Variants in TBC1D19 observed in about 807,000 individuals in gnomAD.
TBC1D19 encodes TBC1 domain family member 19, also known as TBC1 domain family, member 19.
Under a neutral mutation model 89.0 loss-of-function variants are expected in TBC1D19, and 60 were observed. That is an observed-to-expected ratio of 0.67 (90% CI 0.55 to 0.84). The LOEUF (loss-of-function observed/expected upper bound fraction) is 0.84. Among genes scored for constraint, TBC1D19 ranks in the 40% least tolerant of loss-of-function variants. TBC1D19 has a pLI of 0.00. For missense variants in TBC1D19, 500 were observed against 610.8 expected (o/e 0.82, Z 1.91); for synonymous variants, 189 against 199.7 (o/e 0.95, Z 0.45).
At chr4:26,649,503 T>G (rs2109038361) in intron 7 of TBC1D19, among the ~76,000 whole-genome samples, 2 of 152,324 alleles carry the variant, frequency 1.3e-5, no homozygotes, top group East Asian at 3.9e-4. Context: ...TTATGCCCAT[T>G]TGTAGTCACC....
At chr4:26,692,700 A>G (rs1714410641) in intron 13 of TBC1D19, among the ~76,000 whole-genome samples, 1 of 152,240 alleles carries the variant, frequency 6.6e-6, no homozygotes, top group African/African-American at 2.4e-5. Context: ...AGCTAAAAGC[A>G]TAGCAGCTGG....
chr4:26,757,979 A>G (rs941863792), downstream of TBC1D19, among the ~76,000 whole-genome samples: 1 of 152,156 alleles, frequency 6.6e-6, no homozygotes, highest in Non-Finnish European at 1.5e-5. Context: ...ATGATCCATT[A>G]TCCTGTACTT....
At chr4:26,809,034 A>G in the TBC1D19 span, among the ~76,000 whole-genome samples, 2 of 152,224 alleles carry the variant, frequency 1.3e-5, no homozygotes, top group African/African-American at 4.8e-5. Context: ...AAAGGAATAC[A>G]GGGTCAGTGA....
intron 15 of TBC1D19, among the ~76,000 whole-genome samples, chr4:26,732,373 C>T (rs1199155762): frequency 6.6e-6 from 1 of 152,186 alleles, no homozygotes; most frequent in Non-Finnish European, 1.5e-5. Flanking sequence ...TGGCCTTGTC[C>T]TCCTTCCCTC....
intron 13 of TBC1D19, among the ~76,000 whole-genome samples, chr4:26,715,367 G>A (rs539989727): frequency 1.4e-4 from 21 of 152,058 alleles, no homozygotes; most frequent in African/African-American, 4.1e-4. Flanking sequence ...AGTAACTCCC[G>A]TTGGCCCTGC....
At chr4:26,742,656 T>G (rs993195055) in intron 18 of TBC1D19, 57 bp downstream of exon 18, 2 of 1,445,458 alleles carry the variant, frequency 1.4e-6, no homozygotes, top group African/African-American at 1.4e-5. Context: ...AGCTCTTTTT[T>G]CCTCATTGCA....
At chr4:26,614,330 T>G in intron 2 of TBC1D19, 78 bp from the exon 3 acceptor site, 1 of 1,036,858 alleles carries the variant, frequency 9.6e-7, no homozygotes, top group Non-Finnish European at 1.4e-6. Context: ...AAAGTTTTAT[T>G]GAGATAAATT....
chr4:26,655,229 GGA>G (rs1744707957), intron 7 of TBC1D19, among the ~76,000 whole-genome samples: 1 of 152,182 alleles, frequency 6.6e-6, no homozygotes, highest in Non-Finnish European at 1.5e-5. Flanking sequence ...TCGTTCCTCT[GGA>G]AGTTTTGTCT....
At chr4:26,611,203 T>C (rs1741360869) in intron 1 of TBC1D19, among the ~76,000 whole-genome samples, 1 of 152,164 alleles carries the variant, frequency 6.6e-6, no homozygotes, top group East Asian at 1.9e-4. Flanking sequence ...ATTAGTGACA[T>C]TGAGTATTTT....
the TBC1D19 span, among the ~76,000 whole-genome samples, chr4:26,804,513 C>A: frequency 6.6e-6 from 1 of 152,234 alleles, no homozygotes; most frequent in East Asian, 1.9e-4. Flanking sequence ...CAGTCTGGGA[C>A]GTGGCCCCTC....
intron 15 of TBC1D19, among the ~76,000 whole-genome samples, chr4:26,735,236 A>G (rs186691612): frequency 6.5e-4 from 99 of 151,868 alleles, no homozygotes; most frequent in African/African-American, 2.3e-3. Context: ...TATTAATAGA[A>G]TGTTAACTGG....
chr4:26,576,734 G>A (rs1451715384), exon 1 of TBC1D19: 2 of 456,134 alleles, frequency 4.4e-6, no homozygotes, highest in African/African-American at 4.0e-5. Context: ...GAGCCACAGA[G>A]CCACTAGCAG....
At chr4:26,618,788 C>T (rs1454819885) in intron 3 of TBC1D19, among the ~76,000 whole-genome samples, 1 of 152,174 alleles carries the variant, frequency 6.6e-6, no homozygotes, top group African/African-American at 2.4e-5. Flanking sequence ...CGCTTAGGAA[C>T]CTGCTGGATA....
At chr4:26,790,292 G>A in the TBC1D19 span, among the ~76,000 whole-genome samples, 14,982 of 152,198 alleles carry the variant, frequency 0.098, 955 homozygotes, top group South Asian at 0.18. Flanking sequence ...TCAGATAAGA[G>A]GAGCCTTGGC....
intron 9 of TBC1D19, among the ~76,000 whole-genome samples, chr4:26,669,442 T>A (rs947714574): frequency 6.6e-6 from 1 of 151,860 alleles, no homozygotes; most frequent in Non-Finnish European, 1.5e-5. Flanking sequence ...GAGCAAGATC[T>A]ATTAATATAG....
chr4:26,853,916 C>T, the TBC1D19 span, among the ~76,000 whole-genome samples: 1 of 152,240 alleles, frequency 6.6e-6, no homozygotes, highest in Non-Finnish European at 1.5e-5. Context: ...GTAATTCAAA[C>T]ATCCACATTT....
At chr4:26,698,042 T>C (rs1017688317) in intron 13 of TBC1D19, among the ~76,000 whole-genome samples, 1 of 152,060 alleles carries the variant, frequency 6.6e-6, no homozygotes, top group African/African-American at 2.4e-5. Context: ...AAATAAAGGG[T>C]ATTCAATTAG....
chr4:26,676,683 C>T (rs978666709), intron 11 of TBC1D19, among the ~76,000 whole-genome samples: 5 of 149,880 alleles, frequency 3.3e-5, no homozygotes, highest in Non-Finnish European at 7.4e-5. Flanking sequence ...CGCGCCACTG[C>T]ACTCCAGCCT....
At chr4:26,681,039 C>G (rs1713293594) in intron 11 of TBC1D19, among the ~76,000 whole-genome samples, 1 of 152,010 alleles carries the variant, frequency 6.6e-6, no homozygotes, top group African/African-American at 2.4e-5. Flanking sequence ...AATGGAAATT[C>G]AAATGGCCAA....
Sources: gnomAD v4.1 joint callset for allele counts (sites outside exome capture counted in the v4.1 genomes callset) on GRCh38, gnomAD v4.1.1 for gene constraint, MANE v1.5 for transcripts, NCBI Gene and HGNC (gene_info 2026-07-23, HGNC 2026-07-21) for gene names.